KLRC1: variants seen among roughly 807,000 people sequenced by gnomAD.
The protein encoded by KLRC1 is killer cell lectin like receptor C1.
Under a neutral mutation model 25.9 loss-of-function variants are expected in KLRC1, and 22 were observed. The ratio of observed to expected loss-of-function variants is 0.85; its 90% confidence interval spans 0.61 to 1.21. The LOEUF (loss-of-function observed/expected upper bound fraction) is 1.21. KLRC1 is among the 50% of genes most tolerant of loss of function. The probability of loss-of-function intolerance (pLI) is 0.00; values close to 1 mark genes in which losing one functional copy is unlikely to be tolerated. For synonymous variants in KLRC1, 77 were observed against 93.1 expected, an observed-to-expected ratio of 0.83 and a Z score of 0.99; for missense variants, 240 against 272.2, an observed-to-expected ratio of 0.88 and a Z score of 0.83.
At chr12:10,447,152 C>T (rs1418150859) in intron 6 of KLRC1, 1 of 203,540 alleles carries the variant, frequency 4.9e-6, no homozygotes, top group Non-Finnish European at 1.0e-5. Flanking sequence ...GCATGTGACC[C>T]AGGACAGCTT....
At chr12:10,447,255 G>C (rs1864007464) in intron 6 of KLRC1, 1 of 280,880 alleles carries the variant, frequency 3.6e-6, no homozygotes, top group South Asian at 9.6e-5. Flanking sequence ...GTTAGTGTTA[G>C]TGTATTTTAT....
At chr12:10,449,774 T>G in intron 4 of KLRC1, 140 bp downstream of exon 4, 4 of 620,916 alleles carry the variant, frequency 6.4e-6, no homozygotes, top group Non-Finnish European at 1.0e-5. Flanking sequence ...TGATGACAAG[T>G]GAATGCCTTA....
At chr12:10,444,787 T>C (rs922057055), downstream of KLRC1, among the ~76,000 whole-genome samples, 7 of 152,076 alleles carry the variant, frequency 4.6e-5, no homozygotes, top group Non-Finnish European at 8.8e-5. Context: ...AAAGAGAAAT[T>C]CTTCCCAAGA....
At chr12:10,450,399 T>C in intron 3 of KLRC1, 85 bp downstream of exon 3, 2 of 743,042 alleles carry the variant, frequency 2.7e-6, no homozygotes, top group East Asian at 2.5e-5. Flanking sequence ...ATGAGAACTC[T>C]ATTCCCTGAA....
chr12:10,446,561 T>C lies in KLRC1; in HGVS notation c.692A>G (p.His231Arg), dbSNP rs150596852. Residue 231 changes from histidine to arginine, a missense_variant, in exon 7 of 7, where the codon CAT becomes CGT. Physicochemically the swap from His to Arg is conservative, Grantham distance 29. Transcript: ENST00000359151. The part of the protein sequence containing the change: ...CGSSIIYHCK[H>R]KL ...GCAAACGCTTTACCTCTAAAGCTTA[T>C]GCTTACAATGATATATTATTGAAGA... The C allele has an allele frequency of 6.1e-5, 98 of 1,613,714 alleles. No homozygotes were observed. The African/African-American group carries it at 1.0e-3, about 17-fold the overall frequency.
At chr12:10,445,554 C>G (rs187017805), downstream of KLRC1, among the ~76,000 whole-genome samples, 221 of 152,128 alleles carry the variant, frequency 1.5e-3, no homozygotes, top group African/African-American at 5.1e-3. Context: ...TTCTATTCAA[C>G]TATGGGTATA....
At chr12:10,454,053 T>C (rs571289048), upstream of KLRC1, among the ~76,000 whole-genome samples, 80 of 152,342 alleles carry the variant, frequency 5.3e-4, no homozygotes, top group Non-Finnish European at 7.2e-4. Flanking sequence ...TCGACTTTCA[T>C]AGAAATATTT....
upstream of KLRC1, among the ~76,000 whole-genome samples, chr12:10,453,961 T>C (rs1321021750): frequency 6.6e-6 from 1 of 152,240 alleles, no homozygotes; most frequent in Non-Finnish European, 1.5e-5. Context: ...TTTTGAAATA[T>C]ATTAGCATAC....
chr12:10,444,722 T>C (rs1863953590), downstream of KLRC1, among the ~76,000 whole-genome samples: 2 of 152,098 alleles, frequency 1.3e-5, 1 homozygote, highest in South Asian at 4.1e-4. Flanking sequence ...AACTAGTGAA[T>C]TATAACATTT....
At chr12:10,452,669 C>A (rs1864149761) in intron 1 of KLRC1, among the ~76,000 whole-genome samples, 1 of 152,032 alleles carries the variant, frequency 6.6e-6, no homozygotes, top group Admixed American at 6.5e-5. Flanking sequence ...TGCGCTACAT[C>A]TTTTTTTGCA....
At chr12:10,444,023 C>G (rs1863943360), downstream of KLRC1, among the ~76,000 whole-genome samples, 1 of 131,692 alleles carries the variant, frequency 7.6e-6, no homozygotes, top group Non-Finnish European at 1.6e-5. Context: ...TAATATATAT[C>G]CAAATAACAT....
downstream of KLRC1, among the ~76,000 whole-genome samples, chr12:10,444,608 C>G (rs11053802): frequency 6.6e-6 from 1 of 151,970 alleles, no homozygotes; most frequent in Non-Finnish European, 1.5e-5. Context: ...CATTACCAAA[C>G]GCAGTGCATC....
At chr12:10,449,630 T>C (rs1286400796) in intron 4 of KLRC1, among the ~76,000 whole-genome samples, 1 of 152,216 alleles carries the variant, frequency 6.6e-6, no homozygotes, top group Non-Finnish European at 1.5e-5. Flanking sequence ...AAATCCACTC[T>C]ATACATGTCT....
chr12:10,447,455 T>C, intron 6 of KLRC1, 77 bp downstream of exon 6: 1 of 1,225,300 alleles, frequency 8.2e-7, no homozygotes, highest in Non-Finnish European at 1.2e-6. Flanking sequence ...TGATTCCACA[T>C]AGATTTATTC....
At position 10,446,126 on chromosome 12, in the gene KLRC1, C is replaced by T. The variant is rs1483927651; in HGVS notation, c.*425G>A. 15 of 158,996 alleles carry T rather than the reference C, an allele frequency of 9.4e-5. No homozygotes were observed. The South Asian group carries it at 1.0e-3, about 11-fold the overall frequency. The allele number at this position is 158,996 out of a possible 1,614,324, so 9.8% of individuals were successfully genotyped here. ...AAAAATCAATGATGTTTAGTATATT[C>T]GCAGAGTTACAACCATCACCACTAC... On this transcript the variant is annotated 3_prime_UTR_variant, in exon 7 of 7. Coordinates refer to ENST00000359151, the MANE Select transcript of KLRC1 (RefSeq NM_002259.5).
rs142983959 is a variant in KLRC1, at chr12:10,451,035, G to A, written c.122C>T (p.Ala41Val). ...AGAAGCTTTTTGAAGGTTTAATTCC[G>A]CATAGGTTATTTCCTGTTCAGTTGC... ...ILATEQEITY[A>V]ELNLQKASQD... Residue 41 changes from alanine (A) to valine (V), a missense_variant, in exon 2 of 7, where the codon GCG becomes GTG. Coordinates refer to ENST00000359151, the MANE Select transcript of KLRC1 (RefSeq NM_002259.5). 43 of 1,613,870 alleles carry A rather than the reference G, an allele frequency of 2.7e-5. No individual in the cohort carries two copies. The African/African-American group carries it at 4.0e-4, about 15-fold the overall frequency.
At chr12:10,450,396 C>G in intron 3 of KLRC1, 88 bp downstream of exon 3, 1 of 729,764 alleles carries the variant, frequency 1.4e-6, no homozygotes, top group Non-Finnish European at 2.4e-6. Flanking sequence ...ACAATGAGAA[C>G]TCTATTCCCT....
downstream of KLRC1, among the ~76,000 whole-genome samples, chr12:10,444,028 T>C (rs996757154): frequency 2.2e-5 from 3 of 133,954 alleles, 1 homozygote; most frequent in African/African-American, 9.4e-5. Flanking sequence ...TATATCCAAA[T>C]AACATATGGG....
rs749703939 is a variant in KLRC1, at chr12:10,451,045, T to C, written c.112A>G (p.Ile38Val). ...KNSILATEQE[I>V]TYAELNLQKA... ...TGAAGGTTTAATTCCGCATAGGTTA[T>C]TTCCTGTTCAGTTGCTAAAATGGAG... Residue 38 changes from isoleucine (I) to valine (V), a missense_variant, in exon 2 of 7, where the codon ATA (isoleucine) becomes GTA (valine). Ile to Val is a conservative substitution (Grantham distance 29). Transcript: ENST00000359151. 4.1e-5 allele frequency: 66 copies of C among 1,614,006 alleles called. No homozygotes were observed. In the East Asian group the frequency reaches 1.4e-3, roughly 33 times the overall value.
Sources: gnomAD v4.1 joint callset for allele counts (sites outside exome capture counted in the v4.1 genomes callset) on GRCh38, gnomAD v4.1.1 for gene constraint, MANE v1.5 for transcripts, NCBI Gene and HGNC (gene_info 2026-07-23, HGNC 2026-07-21) for gene names.